Variants in ZNF827 observed in about 807,000 individuals in gnomAD.
ZNF827 encodes zinc finger protein 827.
In ZNF827, 13 loss-of-function variants were observed where a neutral mutation model predicts 102.4. That is an observed-to-expected ratio of 0.13 (90% CI 0.08 to 0.20). The LOEUF (loss-of-function observed/expected upper bound fraction) is 0.20, where lower values mean the gene tolerates loss of function less well. Among genes scored for constraint, ZNF827 ranks in the 10% least tolerant of loss-of-function variants. The probability of loss-of-function intolerance (pLI) is 1.00; values close to 1 mark genes in which losing one functional copy is unlikely to be tolerated. For missense variants in ZNF827, 1,103 were observed against 1,344.4 expected (o/e 0.82, Z 2.81); for synonymous variants, 523 against 536.2 (o/e 0.98, Z 0.34).
At position 145,855,754 on chromosome 4, in the gene ZNF827, CCTT is replaced by C. The variant is rs1357045976; in HGVS notation, c.1982-6196_1982-6194del. On this transcript the variant is annotated intron_variant, in intron 5 of 14. Coordinates refer to ENST00000508784, the MANE Select transcript of ZNF827 (RefSeq NM_001306215.2). Reference sequence around the variant, plus strand: ...GTCTGAAATTACATGTTTGGCTTCTCCTTCTTAGAGAGAAGCAATGTGGAAGTG... The same window carrying C: ...GTCTGAAATTACATGTTTGGCTTCTCCTTAGAGAGAAGCAATGTGGAAGTG... Among the ~76,000 whole-genome samples the C allele has an allele frequency of 7.2e-5, 11 of 152,178 alleles. No individual in the cohort carries two copies. In the East Asian group the frequency reaches 2.1e-3, roughly 29 times the overall value.
intron 13 of ZNF827, 22 bp downstream of exon 13, chr4:145,764,966 G>A (rs759307501): frequency 6.8e-6 from 11 of 1,610,556 alleles, no homozygotes; most frequent in Admixed American, 3.3e-5. Context: ...GCAGTAAAAG[G>A]TTCTGTACTT....
At chr4:145,861,182 G>T (rs576183492) in intron 5 of ZNF827, among the ~76,000 whole-genome samples, 4 of 152,126 alleles carry the variant, frequency 2.6e-5, no homozygotes, top group Admixed American at 2.0e-4. Context: ...TCTTTGACAT[G>T]AATATGTTAA....
rs1740593797 is a variant in ZNF827, at chr4:145,798,541, CT to C, written c.2384-19031del. Among the ~76,000 whole-genome samples the C allele has an allele frequency of 3.3e-5, 5 of 152,006 alleles. 1 individual carries two copies. In the South Asian group the frequency reaches 1.0e-3, roughly 32 times the overall value. On this transcript the variant is annotated intron_variant, in intron 8 of 14. Transcript: ENST00000508784. Reference sequence around the variant, plus strand: ...ATTAGCTAGGTGTGGTGGCGTGTACCTGTATTCCTGGCTACTTGGGAGGCTG... The same window carrying C: ...ATTAGCTAGGTGTGGTGGCGTGTACCGTATTCCTGGCTACTTGGGAGGCTG...
intron 8 of ZNF827, among the ~76,000 whole-genome samples, chr4:145,812,497 ATATTTATTTATT>A (rs71592421): frequency 0.012 from 1,758 of 143,892 alleles, 10 homozygotes; most frequent in Middle Eastern, 0.028. Context: ...AAACCATTTT[ATATTTATTTATT>A]TATTTATTTA....
At chr4:145,872,733 G>T (rs1241646946) in intron 4 of ZNF827, among the ~76,000 whole-genome samples, 1 of 151,452 alleles carries the variant, frequency 6.6e-6, no homozygotes, top group African/African-American at 2.4e-5. Flanking sequence ...AAATAAGCCA[G>T]ACGTGGTGGC....
chr4:145,920,414 A>G (rs192764985), intron 1 of ZNF827, among the ~76,000 whole-genome samples: 173 of 152,266 alleles, frequency 1.1e-3, no homozygotes, highest in Non-Finnish European at 1.9e-3. Context: ...TTCCAACCAC[A>G]AAAGTTCTCT....
chr4:145,901,606 T>C (rs1039617226), intron 2 of ZNF827, among the ~76,000 whole-genome samples: 1 of 152,204 alleles, frequency 6.6e-6, no homozygotes, highest in Admixed American at 6.5e-5. Context: ...GGACAAGAAA[T>C]TGTAGGAGAA....
chr4:145,761,653 G>A lies in ZNF827; in HGVS notation c.*18-55C>T, dbSNP rs977661026. 5.5e-6 allele frequency: 6 copies of A among 1,090,910 alleles called. No homozygotes were observed. Among genetic ancestry groups the A allele is most frequent in the Non-Finnish European group, 7.2e-6 (6 of 834,124 alleles). 67.6% of individuals were successfully genotyped at this position (1,090,910 alleles called of 1,614,324 possible). A position where few individuals can be genotyped will look rare whatever the true frequency, so the allele number is the denominator to read the frequency against. On this transcript the variant is annotated intron_variant, in intron 14 of 14. Coordinates refer to ENST00000508784, the MANE Select transcript of ZNF827 (RefSeq NM_001306215.2). This position sits in a 1 kb window ranked among gnomAD's most constrained non-coding sequence, Gnocchi z 6.8. ...CAGCCGGGAAGGTTCGGAGGCAGCC[G>A]CGCTTCTCGCCGCCTCACCAGCCTT... is the stretch of plus-strand genomic sequence containing the variant.
chr4:145,910,471 TC>T (rs1752203800), intron 1 of ZNF827, among the ~76,000 whole-genome samples: 1 of 152,024 alleles, frequency 6.6e-6, no homozygotes, highest in African/African-American at 2.4e-5. Context: ...AGACCCCACA[TC>T]CAATTCATTC....
intron 8 of ZNF827, among the ~76,000 whole-genome samples, chr4:145,799,714 C>A (rs1474389293): frequency 2.0e-5 from 3 of 152,166 alleles, no homozygotes; most frequent in Non-Finnish European, 2.9e-5. Flanking sequence ...AGTACGGCCA[C>A]GTGATCAAGT....
At chr4:145,786,357 T>C (rs572094208) in intron 8 of ZNF827, among the ~76,000 whole-genome samples, 1 of 152,190 alleles carries the variant, frequency 6.6e-6, no homozygotes, top group Admixed American at 6.5e-5. Context: ...AAGGCTTTAT[T>C]TGGCGACAGC....
intron 1 of ZNF827, among the ~76,000 whole-genome samples, chr4:145,928,085 A>G (rs369210257): frequency 6.6e-6 from 1 of 152,160 alleles, no homozygotes; most frequent in African/African-American, 2.4e-5. Flanking sequence ...GCAGTCCATT[A>G]CCCAGGTCCA....
Position 145,902,990 on chromosome 4 carries a change from A to C in ZNF827, c.269T>G (p.Val90Gly). The C allele has an allele frequency of 1.9e-6, 3 of 1,614,040 alleles. No homozygotes were observed. In the South Asian group the frequency reaches 3.3e-5, roughly 18 times the overall value. The change falls in exon 2 of 15, where the codon GTC becomes GGC. Residue 90 changes from valine to glycine, a missense_variant. Physicochemically the swap from Val to Gly is moderately radical, Grantham distance 109 (BLOSUM62 -3). Coordinates refer to ENST00000508784, the MANE Select transcript of ZNF827 (RefSeq NM_001306215.2). This position sits in a 1 kb window ranked among gnomAD's most constrained non-coding sequence, Gnocchi z 4.3. ...TLELVALDSE[V>G]LRDSLQCQDH... ...TTGACACTGCAGTGAGTCTCGCAGG[A>C]CCTCACTGTCCAGTGCCACCAGCTC...
intron 8 of ZNF827, among the ~76,000 whole-genome samples, chr4:145,787,682 T>C (rs1739088429): frequency 6.6e-6 from 1 of 152,078 alleles, no homozygotes; most frequent in African/African-American, 2.4e-5. Context: ...CTGTCAAGCA[T>C]GTCTCCAAAA....
At position 145,902,067 on chromosome 4, in the gene ZNF827, A is replaced by G; in HGVS notation, c.1093+99T>C. On this transcript the variant is annotated intron_variant, in intron 2 of 14. Transcript: ENST00000508784. This position sits in a 1 kb window ranked among gnomAD's most constrained non-coding sequence, Gnocchi z 4.3. ...GCTCTTGCTTTTTTATTCCTGCCTC[A>G]GATCAGATGGGGAACCCAACTGAAA... The G allele has an allele frequency of 7.0e-7, 1 of 1,437,208 alleles. No individual in the cohort carries two copies. 89.0% of individuals were successfully genotyped at this position (1,437,208 alleles called of 1,614,324 possible). A position where few individuals can be genotyped will look rare whatever the true frequency, so the allele number is the denominator to read the frequency against.
Position 145,765,590 on chromosome 4 carries a change from A to T in ZNF827, c.3009T>A (p.Pro1003=). ...GNNLLVISVM[P]GSQPSLNSEE... The stretch of plus-strand genomic sequence containing the variant: ...CACTGTTCAGTGAGGGCTGGCTCCC[A>T]GGCATGACAGAGATGACCAGCAGAT... The change falls in exon 12 of 15, where the codon CCT becomes CCA. Residue 1003 remains proline (P), a synonymous_variant. Transcript: ENST00000508784. This position sits in a 1 kb window ranked among gnomAD's most constrained non-coding sequence, Gnocchi z 4.7. 1 of 1,614,016 alleles carries T rather than the reference A, an allele frequency of 6.2e-7. No individual in the cohort carries two copies. Among genetic ancestry groups the T allele is most frequent in the Non-Finnish European group, 8.5e-7 (1 of 1,179,962 alleles).
chr4:145,771,713 C>T (rs1228239709), intron 11 of ZNF827, among the ~76,000 whole-genome samples: 1 of 152,158 alleles, frequency 6.6e-6, no homozygotes, highest in Non-Finnish European at 1.5e-5. Flanking sequence ...GTAACACCAA[C>T]CCATAAGAAA....
At chr4:145,803,134 G>A (rs532234362) in intron 8 of ZNF827, among the ~76,000 whole-genome samples, 1 of 151,584 alleles carries the variant, frequency 6.6e-6, no homozygotes, top group South Asian at 2.1e-4. Flanking sequence ...TATATGTTTT[G>A]CATTGTTATT....
rs28438529 is a variant in ZNF827 at position 145,868,846 on chromosome 4, T to C, written c.1981+1399A>G. Among the ~76,000 whole-genome samples the C allele has an allele frequency of 5.1e-3, 772 of 152,284 alleles. 10 individuals carry two copies. Among genetic ancestry groups the C allele is most frequent in the African/African-American group, 0.017 (692 of 41,560 alleles). ...ACTGTTGGTTAAGACTTCAAGTCAC[T>C]GGAATGTGAAAGTGTATGCTATGGG... On this transcript the variant is annotated intron_variant, in intron 5 of 14. Coordinates refer to ENST00000508784, the MANE Select transcript of ZNF827 (RefSeq NM_001306215.2).
Sources: gnomAD v4.1 joint callset for allele counts (sites outside exome capture counted in the v4.1 genomes callset) on GRCh38, gnomAD v4.1.1 for gene constraint, Gnocchi (gnomAD v3.1) non-coding constraint, MANE v1.5 for transcripts, NCBI Gene and HGNC (gene_info 2026-07-23, HGNC 2026-07-21) for gene names.